Variants in FUNDC1 observed in about 807,000 individuals in gnomAD.
The protein encoded by FUNDC1 is FUN14 domain containing 1, also known as FUN14 domain-containing protein 1.
Under a neutral mutation model 14.5 loss-of-function variants are expected in FUNDC1, and 10 were observed. That is an observed-to-expected ratio of 0.69 (90% CI 0.43 to 1.17). The LOEUF (loss-of-function observed/expected upper bound fraction) is 1.17, where lower values mean the gene tolerates loss of function less well. Among genes scored for constraint, FUNDC1 ranks in the 50% most tolerant of loss-of-function variants. FUNDC1 has a pLI of 0.00. For missense variants in FUNDC1, 115 were observed against 113.8 expected (o/e 1.01, Z -0.05); for synonymous variants, 33 against 39.7 (o/e 0.83, Z 0.64).
At chrX:44,529,921 C>T (rs1431928783) in intron 3 of FUNDC1, among the ~76,000 whole-genome samples, 1 of 112,491 alleles carries the variant, frequency 8.9e-6, no homozygotes, top group East Asian at 2.8e-4. Context: ...TCAAGCCATC[C>T]TCCTGCCTTG....
intron 4 of FUNDC1, among the ~76,000 whole-genome samples, chrX:44,526,033 A>T (rs1305419612): frequency 1.8e-5 from 2 of 108,709 alleles, no homozygotes; most frequent in African/African-American, 3.4e-5. Flanking sequence ...GAGCCAGGGG[A>T]GTCAAGGCTG....
Position 44,527,348 on chromosome X carries a change from G to C in FUNDC1, c.279C>G (p.Gly93=), listed in dbSNP as rs200690325. The C allele has an allele frequency of 2.5e-6, 3 of 1,181,581 alleles. No homozygotes were observed. The East Asian group carries it at 9.0e-5, about 35-fold the overall frequency. ...CTCTCTTCCAGTCAATCTGCACATA[G>C]CCACTATGACTAGCAATCTGCAAAA... ...FLLLQIASHS[G]YVQIDWKRVE... The change falls in exon 4 of 5, where the codon GGC becomes GGG. Residue 93 remains glycine (G), a synonymous_variant. Transcript: ENST00000378045.
chrX:44,527,156 G>T, intron 4 of FUNDC1, 81 bp downstream of exon 4: 1 of 707,011 alleles, frequency 1.4e-6, no homozygotes, highest in South Asian at 3.6e-5. Context: ...AATCCCCCCC[G>T]GTCACATTTT....
At chrX:44,530,131 T>C (rs1195701969) in intron 3 of FUNDC1, among the ~76,000 whole-genome samples, 2 of 111,846 alleles carry the variant, frequency 1.8e-5, no homozygotes, top group African/African-American at 6.5e-5. Context: ...TTCAGTCTTG[T>C]CCACACAAAA....
In FUNDC1 at chrX:44,534,570, A is replaced by C. The variant is rs144158190; in HGVS notation, c.261+3897T>G. On this transcript the variant is annotated intron_variant, in intron 3 of 4. Transcript: ENST00000378045. ...ATCACTGGGAAAAATCAGAATACTG[A>C]GGACAAAAGAAAATCCTATAAGCAT... 9.4e-4 allele frequency among the ~76,000 whole-genome samples: 102 copies of C among 108,582 alleles called. No homozygotes were observed. The East Asian group carries it at 0.027, about 29-fold the overall frequency. The allele number at this position is 108,582 out of a possible 115,157, so 94.3% of individuals were successfully genotyped here.
intron 2 of FUNDC1, among the ~76,000 whole-genome samples, chrX:44,541,666 C>A (rs1014645843): frequency 9.0e-6 from 1 of 110,963 alleles, no homozygotes; most frequent in South Asian, 3.8e-4. Flanking sequence ...ATCAGATCCA[C>A]GACATTTGCT....
In FUNDC1 at chrX:44,531,272, AC is replaced by A. The variant is rs760948222; in HGVS notation, c.262-3908del. On this transcript the variant is annotated intron_variant, in intron 3 of 4. Transcript: ENST00000378045. Reference sequence around the variant, plus strand: ...AACACACACACACACACACACACACACACACACACACACGGCTTTCAGATGA... The same window carrying A: ...AACACACACACACACACACACACACAACACACACACACGGCTTTCAGATGA... 3.1e-3 allele frequency among the ~76,000 whole-genome samples: 238 copies of A among 77,246 alleles called. 20 individuals are homozygous for A. The East Asian group carries it at 0.036, about 12-fold the overall frequency. The allele number at this position is 77,246 out of a possible 115,157, so 67.1% of individuals were successfully genotyped here. A position where few individuals can be genotyped will look rare whatever the true frequency, so the allele number is the denominator to read the frequency against.
intron 3 of FUNDC1, among the ~76,000 whole-genome samples, chrX:44,535,669 CAAAAAAAAAAAA>C (rs1224864816): frequency 6.2e-5 from 2 of 32,282 alleles, no homozygotes; most frequent in East Asian, 9.8e-4. Context: ...GACTCTGTCT[CAAAAAAAAAAAA>C]AAAAAAAAAA....
intron 3 of FUNDC1, among the ~76,000 whole-genome samples, chrX:44,534,472 A>G (rs1458479142): frequency 1.8e-5 from 2 of 111,304 alleles, no homozygotes; most frequent in African/African-American, 6.5e-5. Flanking sequence ...AAATATAAAG[A>G]AAATTTCCCC....
intron 3 of FUNDC1, among the ~76,000 whole-genome samples, chrX:44,528,458 T>C (rs1249676968): frequency 8.9e-6 from 1 of 112,234 alleles, no homozygotes; most frequent in Non-Finnish European, 1.9e-5. Context: ...TAGTACTTGA[T>C]ACAGCAATTT....
chrX:44,527,056 AT>A (rs1198932464), intron 4 of FUNDC1, among the ~76,000 whole-genome samples, 180 bp downstream of exon 4: 3 of 108,393 alleles, frequency 2.8e-5, no homozygotes, highest in Non-Finnish European at 5.7e-5. Flanking sequence ...AAAAAAAAAA[AT>A]AATGACTGAT....
chrX:44,526,147 T>C (rs1430738466), intron 4 of FUNDC1, among the ~76,000 whole-genome samples: 1 of 107,641 alleles, frequency 9.3e-6, no homozygotes, highest in African/African-American at 3.4e-5. Flanking sequence ...AAAAAAACAG[T>C]TGGCCGGGCC....
chrX:44,531,298 A>ACACACACACACACAC (rs1569187093), intron 3 of FUNDC1, among the ~76,000 whole-genome samples: 1 of 38,117 alleles, frequency 2.6e-5, no homozygotes, highest in Non-Finnish European at 3.8e-5. Context: ...CTTTCAGATG[A>ACACACACACACACAC]AGATTCATGT....
Position 44,527,379 on chromosome X carries a change from A to G in FUNDC1, c.262-14T>C. The G allele has an allele frequency of 8.7e-7, 1 of 1,149,566 alleles. No homozygotes were observed. The highest frequency in any genetic ancestry group is 2.5e-4 in the Middle Eastern group (1 of 3,983). The allele number at this position is 1,149,566 out of a possible 1,213,427, so 94.7% of individuals were successfully genotyped here. A position where few individuals can be genotyped will look rare whatever the true frequency, so the allele number is the denominator to read the frequency against. On this transcript the variant is annotated splice_polypyrimidine_tract_variant and intron_variant, in intron 3 of 4. Coordinates refer to ENST00000378045, the MANE Select transcript of FUNDC1 (RefSeq NM_173794.4). ...ATGACTAGCAATCTGCAAAAAATAT[A>G]ATAAAAATTATCAATACTATACCAA...
rs372782304 is a variant in FUNDC1, at chrX:44,524,175, G to A, written c.*23C>T. Reference sequence around the variant, plus strand: ...CACTTCTCTTCTCATAGTTGAATCCGTTATGGGAGAATATTCATGTCCTTA... The same window carrying A: ...CACTTCTCTTCTCATAGTTGAATCCATTATGGGAGAATATTCATGTCCTTA... On this transcript the variant is annotated 3_prime_UTR_variant, in exon 5 of 5. Coordinates refer to ENST00000378045, the MANE Select transcript of FUNDC1 (RefSeq NM_173794.4). 1.2e-5 allele frequency: 13 copies of A among 1,101,400 alleles called. No homozygotes were observed. Among genetic ancestry groups the A allele is most frequent in the South Asian group, 1.1e-4 (6 of 54,271 alleles). The allele number at this position is 1,101,400 out of a possible 1,213,427, so 90.8% of individuals were successfully genotyped here.
intron 2 of FUNDC1, among the ~76,000 whole-genome samples, chrX:44,539,524 T>G (rs1051642276): frequency 1.8e-5 from 2 of 111,559 alleles, no homozygotes; most frequent in African/African-American, 6.5e-5. Flanking sequence ...CAAGGATTGC[T>G]GGCAACCACC....
intron 1 of FUNDC1, among the ~76,000 whole-genome samples, chrX:44,542,516 C>A (rs1171135167): frequency 9.7e-6 from 1 of 102,596 alleles, no homozygotes; most frequent in African/African-American, 4.1e-5. Context: ...TGAGTCCAGA[C>A]GTTTAAAAAA....
At chrX:44,541,865 C>T (rs1217121270) in intron 2 of FUNDC1, 80 bp downstream of exon 2, 8 of 901,204 alleles carry the variant, frequency 8.9e-6, no homozygotes, top group Non-Finnish European at 1.1e-5. Context: ...TGCCTGTGCA[C>T]GGTGATTCTT....
At chrX:44,531,779 C>T (rs1164323318) in intron 3 of FUNDC1, among the ~76,000 whole-genome samples, 4 of 108,022 alleles carry the variant, frequency 3.7e-5, no homozygotes, top group Non-Finnish European at 7.7e-5. Flanking sequence ...CACACACACA[C>T]ACACACACAC....
Sources: allele counts gnomAD v4.1 joint callset (sites outside exome capture counted in the v4.1 genomes callset), GRCh38; gene constraint gnomAD v4.1.1; transcripts MANE v1.5; gene names NCBI Gene and HGNC (gene_info 2026-07-23, HGNC 2026-07-21).